The following RASSF1 variants were observed in gnomAD, a reference collection of about 807,000 sequenced individuals.
The protein encoded by RASSF1 is ras association domain-containing protein 1.
Under a neutral mutation model 34.3 loss-of-function variants are expected in RASSF1, and 33 were observed. The observed-to-expected ratio is 0.96, with a 90% CI of 0.73 to 1.29. The LOEUF is 1.29. Ranked by LOEUF, RASSF1 falls within the 50% of genes most tolerant of loss-of-function variation. RASSF1 has a pLI of 0.00. For synonymous variants in RASSF1, 191 were observed against 195.0 expected (o/e 0.98, Z 0.17); for missense variants, 445 against 471.8 (o/e 0.94, Z 0.53).
chr3:50,337,049 G>A lies in RASSF1; in HGVS notation c.357+856C>T. 3 of 1,281,116 alleles carry A rather than the reference G, an allele frequency of 2.3e-6. No homozygotes were observed. In the South Asian group the frequency reaches 4.7e-5, roughly 20 times the overall value. 79.4% of individuals were successfully genotyped at this position (1,281,116 alleles called of 1,614,324 possible). Reference sequence around the variant, plus strand: ...GCGGGCAGGTCCCCGGCCAGGACCCGCGGGGAGCCACGTAGCCAGGAGGGT... The same window carrying A: ...GCGGGCAGGTCCCCGGCCAGGACCCACGGGGAGCCACGTAGCCAGGAGGGT... On this transcript the variant is annotated intron_variant, in intron 2 of 5. Transcript: ENST00000359365.
At chr3:50,332,412 T>C (rs2109338580) in intron 2 of RASSF1, among the ~76,000 whole-genome samples, 1 of 152,296 alleles carries the variant, frequency 6.6e-6, no homozygotes, top group Middle Eastern at 3.4e-3. Flanking sequence ...GCCTTAAGGA[T>C]ACCACAGAAG....
chr3:50,337,279 C>T (rs1703176545), intron 2 of RASSF1: 1 of 1,613,132 alleles, frequency 6.2e-7, no homozygotes, highest in Non-Finnish European at 8.5e-7. Flanking sequence ...CGTCGTGCTG[C>T]TCCAGGTCAT....
At chr3:50,333,437 G>C (rs1703015099) in intron 2 of RASSF1, among the ~76,000 whole-genome samples, 1 of 152,168 alleles carries the variant, frequency 6.6e-6, no homozygotes, top group Admixed American at 6.5e-5. Flanking sequence ...CTTCCTGGTG[G>C]GTTTCTGCAC....
chr3:50,332,001 GCTGGGTAC>G, intron 3 of RASSF1, 41 bp downstream of exon 3: 1 of 1,596,660 alleles, frequency 6.3e-7, no homozygotes, highest in Non-Finnish European at 8.6e-7. Flanking sequence ...CAGGCACATA[GCTGGGTAC>G]CTGCTCCTCC....
At position 50,331,421 on chromosome 3, in the gene RASSF1, C is replaced by T; in HGVS notation, c.789G>A (p.Glu263=). The T allele has an allele frequency of 6.2e-7, 1 of 1,602,786 alleles. No homozygotes were observed. The highest frequency in any genetic ancestry group is 8.5e-7 in the Non-Finnish European group (1 of 1,172,878). ...CCAGGAGCCGCAGCCGCAGGGGCTG[C>T]TCATCATCCAACAGCTTCCGCAAGT... ...QVYLRKLLDD[E]QPLRLRLLAG... Residue 263 remains glutamate (E), a synonymous_variant, in exon 5 of 6, where the codon GAG becomes GAA. Transcript: ENST00000359365.
At chr3:50,336,590 C>G (rs1347324051) in intron 2 of RASSF1, 1 of 152,624 alleles carries the variant, frequency 6.6e-6, no homozygotes, top group African/African-American at 2.4e-5. Context: ...CCTATCTATT[C>G]CCAAATCTTT....
chr3:50,331,918 G>C (rs1702960252), intron 3 of RASSF1, 62 bp from the exon 4 acceptor site: 1 of 1,551,698 alleles, frequency 6.4e-7, no homozygotes, highest in Non-Finnish European at 8.7e-7. Flanking sequence ...AGTCTACTTG[G>C]GGCTAGGCTG....
Position 50,331,807 on chromosome 3 carries a change from A to C in RASSF1, c.512T>G (p.Val171Gly). The C allele has an allele frequency of 6.3e-7, 1 of 1,594,602 alleles. No individual in the cohort carries two copies. The highest frequency in any genetic ancestry group is 8.6e-7 in the Non-Finnish European group (1 of 1,165,638). Residue 171 changes from valine to glycine, a missense_variant, in exon 4 of 6, where the codon GTG becomes GGG. Physicochemically the swap from Val to Gly is moderately radical, Grantham distance 109. Transcript: ENST00000359365. ...TGFIKVQLKL[V>G]RPVSVPSSKK... is the part of the protein sequence containing the mutation. ...GCTGGAGGGCACAGAGACAGGGCGC[A>C]CCAGCTTCAGCTGAACCTTGATGAA...
intron 1 of RASSF1, 107 bp downstream of exon 1, chr3:50,340,449 C>G: frequency 7.5e-7 from 1 of 1,339,584 alleles, no homozygotes; most frequent in Non-Finnish European, 9.6e-7. Context: ...ACCTAGTCCT[C>G]GGGAGCTGTC....
intron 2 of RASSF1, chr3:50,337,579 C>G (rs1021551269): frequency 1.5e-6 from 2 of 1,358,044 alleles, no homozygotes; most frequent in Non-Finnish European, 2.0e-6. Flanking sequence ...CCACCTACCA[C>G]AGGGAACGGG....
chr3:50,340,559 C>T lies in RASSF1; in HGVS notation c.247G>A (p.Ala83Thr), dbSNP rs1321148050. The T allele has an allele frequency of 1.3e-6, 2 of 1,523,950 alleles. No individual in the cohort carries two copies. Among genetic ancestry groups the T allele is most frequent in the African/African-American group, 1.4e-5 (1 of 69,476 alleles). 94.4% of individuals were successfully genotyped at this position (1,523,950 alleles called of 1,614,324 possible). ...GGCGCGCGGGGCCACTACTCACGCG[C>T]GCACTGCAGGCCTTTGCGCACGACG... ...WGVVRKGLQCAHCKFTCHYRC... is the reference protein window; with the variant it reads ...WGVVRKGLQCTHCKFTCHYRC... Residue 83 changes from alanine (A) to threonine (T), a missense_variant, in exon 1 of 6, where the codon GCG becomes ACG. Physicochemically the swap from Ala to Thr is moderately conservative, Grantham distance 58. Transcript: ENST00000359365.
intron 5 of RASSF1, among the ~76,000 whole-genome samples, 188 bp downstream of exon 5, chr3:50,331,146 C>T (rs1182003996): frequency 6.6e-6 from 1 of 152,212 alleles, no homozygotes; most frequent in East Asian, 1.9e-4. Context: ...TTCCTGGCTT[C>T]TTGGGACAAC....
chr3:50,337,647 C>A, intron 2 of RASSF1: 1 of 909,670 alleles, frequency 1.1e-6, no homozygotes, highest in South Asian at 1.7e-5. Context: ...GAGGCGAGGG[C>A]GGGAAGGTGC....
rs587765040 is a variant in RASSF1, at chr3:50,339,312, T to A, written c.250+1244A>T. Among the ~76,000 whole-genome samples the A allele has an allele frequency of 4.3e-4, 65 of 151,978 alleles. No homozygotes were observed. In the South Asian group the frequency reaches 6.7e-3, roughly 16 times the overall value. ...CAAATCATCCTGCTTCTTATCTCCA[T>A]GGCTACTTTATTTCTCTTTGAGAAC... On this transcript the variant is annotated intron_variant, in intron 1 of 5. Coordinates refer to ENST00000359365, the MANE Select transcript of RASSF1 (RefSeq NM_007182.5).
chr3:50,335,963 C>T (rs1490845564), intron 2 of RASSF1, among the ~76,000 whole-genome samples: 1 of 152,152 alleles, frequency 6.6e-6, no homozygotes. Context: ...AGTGCAGTGG[C>T]ACGATCTTGG....
chr3:50,340,725 C>A lies in RASSF1; in HGVS notation c.81G>T (p.Glu27Asp). The change falls in exon 1 of 6, where the codon GAG becomes GAT. Residue 27 changes from glutamate (E) to aspartate (D), a missense_variant. Physicochemically the swap from Glu to Asp is conservative, Grantham distance 45 (BLOSUM62 2). Transcript: ENST00000359365. ...GRAGKGRTRL[E>D]RANALRIARG... ...GCGCGATGCGCAGCGCGTTGGCACG[C>A]TCCAGCCGGGTGCGGCCCTTCCCAG... is the stretch of plus-strand genomic sequence containing the variant. 6.6e-7 allele frequency: 1 copy of A among 1,521,456 alleles called. No homozygotes were observed. Among genetic ancestry groups the A allele is most frequent in the Non-Finnish European group, 8.7e-7 (1 of 1,144,504 alleles). The allele number at this position is 1,521,456 out of a possible 1,614,324, so 94.2% of individuals were successfully genotyped here.
chr3:50,335,760 C>T (rs779501766), intron 2 of RASSF1, among the ~76,000 whole-genome samples: 1 of 151,478 alleles, frequency 6.6e-6, no homozygotes, highest in African/African-American at 2.4e-5. Flanking sequence ...CACACACCAC[C>T]ATGCCCGGCT....
intron 1 of RASSF1, 82 bp downstream of exon 1, chr3:50,340,474 C>T (rs1703323421): frequency 7.3e-7 from 1 of 1,379,156 alleles, no homozygotes; most frequent in South Asian, 1.6e-5. Context: ...CCGACCCCCT[C>T]TGCCGCGACT....
chr3:50,330,777 C>T lies in RASSF1; in HGVS notation c.877-50G>A, dbSNP rs1330814290. ...ACAGGCTGCAGAAGGGATGGCCAAG[C>T]CAGCAGACCCTCCCCAGAGAAGACT... On this transcript the variant is annotated intron_variant, in intron 5 of 5. Transcript: ENST00000359365. The surrounding 1 kb of genome is among the most constrained non-coding windows in gnomAD (Gnocchi z 4.5). 1.9e-6 allele frequency: 3 copies of T among 1,580,680 alleles called. No homozygotes were observed. The highest frequency in any genetic ancestry group is 2.7e-5 in the African/African-American group (2 of 74,282).
Sources: allele counts gnomAD v4.1 joint callset (sites outside exome capture counted in the v4.1 genomes callset), GRCh38; gene constraint gnomAD v4.1.1; non-coding constraint Gnocchi (gnomAD v3.1); transcripts MANE v1.5; gene names NCBI Gene and HGNC (gene_info 2026-07-23, HGNC 2026-07-21).